The following MAN1A2 variants were observed in gnomAD, a reference collection of about 807,000 sequenced individuals.
The protein encoded by MAN1A2 is mannosyl-oligosaccharide 1,2-alpha-mannosidase IB.
A neutral mutation model predicts 75.7 loss-of-function variants in MAN1A2; 26 were observed. That is an observed-to-expected ratio of 0.34 (90% confidence interval 0.25 to 0.48). MAN1A2 has a LOEUF of 0.48. Ranked by LOEUF, MAN1A2 falls within the 20% of genes least tolerant of loss-of-function variation. MAN1A2 has a pLI of 0.99. For missense variants in MAN1A2, 562 were observed against 775.5 expected, an observed-to-expected ratio of 0.72 and a Z score of 3.27; for synonymous variants, 247 against 264.6, an observed-to-expected ratio of 0.93 and a Z score of 0.65.
intron 8 of MAN1A2, among the ~76,000 whole-genome samples, chr1:117,490,294 T>C (rs1650840137): frequency 6.6e-6 from 1 of 152,048 alleles, no homozygotes; most frequent in Admixed American, 6.6e-5. Flanking sequence ...TCGCTTTGTG[T>C]CTCTGGGTCA....
intron 8 of MAN1A2, among the ~76,000 whole-genome samples, chr1:117,483,890 T>C (rs1650580809): frequency 5.3e-5 from 8 of 152,092 alleles, no homozygotes; most frequent in Admixed American, 5.3e-4. Flanking sequence ...ATAGCTCTTA[T>C]TATTTTGAGA....
At chr1:117,377,404 AATTT>A (rs1653185550) in intron 1 of MAN1A2, among the ~76,000 whole-genome samples, 1 of 152,222 alleles carries the variant, frequency 6.6e-6, no homozygotes, top group African/African-American at 2.4e-5. Flanking sequence ...CATAAAGAGC[AATTT>A]ATTTATATCA....
intron 5 of MAN1A2, among the ~76,000 whole-genome samples, chr1:117,438,086 C>T (rs1033390030): frequency 6.6e-6 from 1 of 152,104 alleles, no homozygotes; most frequent in Non-Finnish European, 1.5e-5. Flanking sequence ...TACACATATA[C>T]AGTCATGTAC....
chr1:117,420,634 C>T lies in MAN1A2; in HGVS notation c.840C>T (p.Tyr280=), dbSNP rs1380300619. 1.3e-5 allele frequency: 21 copies of T among 1,612,178 alleles called. No individual in the cohort carries two copies. The highest frequency in any genetic ancestry group is 1.8e-5 in the Non-Finnish European group (21 of 1,178,658). The change falls in exon 5 of 13, where the codon TAC becomes TAT. Residue 280 remains tyrosine, a synonymous_variant. Coordinates refer to ENST00000356554, the MANE Select transcript of MAN1A2 (RefSeq NM_006699.5). ...TTGGAGGCCTACTTGCAGCATATTA[C>T]CTATCAGGAGAGGAGGTGAGCAAAA... ...RFIGGLLAAY[Y]LSGEEIFKIK...
At chr1:117,490,310 T>C (rs1650840342) in intron 8 of MAN1A2, among the ~76,000 whole-genome samples, 1 of 152,040 alleles carries the variant, frequency 6.6e-6, no homozygotes, top group Non-Finnish European at 1.5e-5. Context: ...GGTCACATTT[T>C]GGTAATTCTT....
chr1:117,403,560 G>C (rs115856350), intron 2 of MAN1A2, among the ~76,000 whole-genome samples: 119 of 152,280 alleles, frequency 7.8e-4, no homozygotes, highest in Non-Finnish European at 1.3e-3. Context: ...CTCAGGTTCA[G>C]TGACTCACCA....
At position 117,376,923 on chromosome 1, in the gene MAN1A2, A is replaced by C. The variant is rs1346064505; in HGVS notation, c.302+8438A>C. ...GTAAGCTAGAGTTAATTTTAAGTAC[A>C]GGAGAGGTTGTACATGGGTTATATG... is the stretch of plus-strand genomic sequence containing the variant. On this transcript the variant is annotated intron_variant, in intron 1 of 12. Transcript: ENST00000356554. Among the ~76,000 whole-genome samples, 4 of 152,248 alleles carry C rather than the reference A, an allele frequency of 2.6e-5. No individual in the cohort carries two copies. The East Asian group carries it at 7.7e-4, about 29-fold the overall frequency.
At chr1:117,429,969 G>A (rs1648553260) in intron 5 of MAN1A2, among the ~76,000 whole-genome samples, 1 of 74,600 alleles carries the variant, frequency 1.3e-5, no homozygotes, top group African/African-American at 5.5e-5. Flanking sequence ...CGGGGCGGCT[G>A]GCCGGGCGGA....
intron 5 of MAN1A2, among the ~76,000 whole-genome samples, chr1:117,425,798 C>T (rs867269793): frequency 6.6e-6 from 1 of 152,146 alleles, no homozygotes; most frequent in Non-Finnish European, 1.5e-5. Context: ...TTTTATGCTG[C>T]AAATCCATAG....
At chr1:117,513,220 T>C (rs1651602074) in intron 12 of MAN1A2, among the ~76,000 whole-genome samples, 3 of 152,136 alleles carry the variant, frequency 2.0e-5, no homozygotes, top group Admixed American at 2.0e-4. Context: ...AGGATAATCA[T>C]TGTTTAAGGG....
chr1:117,493,097 T>G, intron 8 of MAN1A2, 50 bp from the exon 9 acceptor site: 1 of 968,490 alleles, frequency 1.0e-6, no homozygotes, highest in Non-Finnish European at 1.7e-6. Context: ...TTATTTGTCT[T>G]GTCTTCCCTT....
intron 10 of MAN1A2, among the ~76,000 whole-genome samples, chr1:117,498,317 C>T (rs1337973166): frequency 6.6e-6 from 1 of 151,686 alleles, no homozygotes; most frequent in African/African-American, 2.4e-5. Flanking sequence ...TGTTATTTTG[C>T]AGATTTTGAC....
rs1383402558 is a variant in MAN1A2 at position 117,526,674 on chromosome 1, A to G, written c.*3717A>G. 1 of 151,196 alleles carries G rather than the reference A, an allele frequency of 6.6e-6. No individual in the cohort carries two copies. Among genetic ancestry groups the G allele is most frequent in the African/African-American group, 2.4e-5 (1 of 41,300 alleles). 9.4% of individuals were successfully genotyped at this position (151,196 alleles called of 1,614,324 possible). ...TTCATGGGTAAAACTTGCAGTTGTA[A>G]ATTGTGTCTGCTCTGGTATGGGCCC... On this transcript the variant is annotated 3_prime_UTR_variant, in exon 13 of 13. Coordinates refer to ENST00000356554, the MANE Select transcript of MAN1A2 (RefSeq NM_006699.5).
chr1:117,409,181 G>A (rs994909638), intron 3 of MAN1A2, among the ~76,000 whole-genome samples: 14 of 151,954 alleles, frequency 9.2e-5, no homozygotes, highest in African/African-American at 2.9e-4. Context: ...GGTTGATTTT[G>A]CTCTTGTTTT....
chr1:117,373,410 A>G (rs1020295641), intron 1 of MAN1A2, among the ~76,000 whole-genome samples: 1 of 150,868 alleles, frequency 6.6e-6, no homozygotes, highest in Non-Finnish European at 1.5e-5. Context: ...TTACTCAGAC[A>G]TGAATTATTG....
intron 3 of MAN1A2, among the ~76,000 whole-genome samples, chr1:117,409,820 T>TA (rs981309011): frequency 1.2e-4 from 18 of 151,976 alleles, no homozygotes; most frequent in African/African-American, 4.1e-4. Context: ...AAGATATTTA[T>TA]AAAAAAAGGA....
At position 117,525,610 on chromosome 1, in the gene MAN1A2, CA is replaced by C. The variant is rs1651992191; in HGVS notation, c.*2656del. Reference sequence around the variant, plus strand: ...GACACCTTACCTTGTGCCTTTGGCACAAATGTGCAGAATAGATACATCAGTT... The same window carrying C: ...GACACCTTACCTTGTGCCTTTGGCACAATGTGCAGAATAGATACATCAGTT... On this transcript the variant is annotated 3_prime_UTR_variant, in exon 13 of 13. Coordinates refer to ENST00000356554, the MANE Select transcript of MAN1A2 (RefSeq NM_006699.5). The C allele has an allele frequency of 3.9e-5, 6 of 153,880 alleles. No individual in the cohort carries two copies. In the East Asian group the frequency reaches 1.1e-3, roughly 29 times the overall value. The allele number at this position is 153,880 out of a possible 1,614,324, so 9.5% of individuals were successfully genotyped here.
chr1:117,506,346 G>A (rs10923323), intron 12 of MAN1A2, among the ~76,000 whole-genome samples: 11,544 of 151,536 alleles, frequency 0.076, 493 homozygotes, highest in Middle Eastern at 0.15. Flanking sequence ...GACGTAAGTT[G>A]AGGCTCATTT....
At chr1:117,499,110 CT>C (rs961962579) in intron 10 of MAN1A2, among the ~76,000 whole-genome samples, 3 of 151,758 alleles carry the variant, frequency 2.0e-5, no homozygotes, top group Non-Finnish European at 4.4e-5. Flanking sequence ...TTACTAGACT[CT>C]TTTTGGTAGA....
Sources: gnomAD v4.1 joint callset for allele counts (sites outside exome capture counted in the v4.1 genomes callset) on GRCh38, gnomAD v4.1.1 for gene constraint, MANE v1.5 for transcripts, NCBI Gene and HGNC (gene_info 2026-07-23, HGNC 2026-07-21) for gene names.